Variants in PDE6A observed in about 807,000 individuals in gnomAD.
The protein encoded by PDE6A is rod cGMP-specific 3',5'-cyclic phosphodiesterase subunit alpha.
PDE6A carries 84 observed loss-of-function variants against 106.3 expected under a neutral mutation model. The observed-to-expected ratio is 0.79, with a 90% CI of 0.66 to 0.95. PDE6A has a LOEUF of 0.95. Among genes scored for constraint, PDE6A ranks in the 40% least tolerant of loss-of-function variants. PDE6A has a pLI of 0.00. For synonymous variants in PDE6A, 394 were observed against 386.6 expected (o/e 1.02, Z -0.23); for missense variants, 1,052 against 1,084.9 (o/e 0.97, Z 0.43).
Position 149,899,387 on chromosome 5 carries a change from C to T in PDE6A, c.1251G>A (p.Glu417=). The T allele has an allele frequency of 6.2e-7, 1 of 1,614,166 alleles. No individual in the cohort carries two copies. Among genetic ancestry groups the T allele is most frequent in the Non-Finnish European group, 8.5e-7 (1 of 1,180,016 alleles). ...KDGKPFDEMD[E]TLMESLTQFL... is the part of the protein sequence containing the mutation. ...TAGCAAGCCATACCTCCATGAGCGT[C>T]TCATCCATTTCATCAAAGGGCTTCC... The change falls in exon 9 of 22, where the codon GAG becomes GAA. Residue 417 remains glutamate (E), a synonymous_variant. Coordinates refer to ENST00000255266, the MANE Select transcript of PDE6A (RefSeq NM_000440.3).
intron 8 of PDE6A, 58 bp from the exon 9 acceptor site, chr5:149,899,582 G>A: frequency 1.9e-6 from 3 of 1,544,822 alleles, no homozygotes; most frequent in African/African-American, 1.4e-5. Context: ...AGGCAACGAT[G>A]ATAGATTTCA....
intron 13 of PDE6A, among the ~76,000 whole-genome samples, chr5:149,888,950 G>T (rs1752431813): frequency 6.6e-6 from 1 of 151,780 alleles, no homozygotes; most frequent in South Asian, 2.1e-4. Flanking sequence ...AGGCATGGTG[G>T]CGGGCGCCTG....
chr5:149,866,516 G>A (rs1486667695), intron 19 of PDE6A: 3 of 455,170 alleles, frequency 6.6e-6, no homozygotes, highest in African/African-American at 4.0e-5. Context: ...AAGGCCAGAG[G>A]GTGGGAGGGA....
At chr5:149,931,242 C>G in intron 3 of PDE6A, 74 bp from the exon 4 acceptor site, 1 of 1,410,288 alleles carries the variant, frequency 7.1e-7, no homozygotes, top group Non-Finnish European at 1.0e-6. Context: ...AGAATAACAA[C>G]AATTCTGTAA....
Position 149,866,203 on chromosome 5 carries a change from G to A in PDE6A, c.2325C>T (p.Gly775=), listed in dbSNP as rs1243259073. 20 of 1,614,044 alleles carry A rather than the reference G, an allele frequency of 1.2e-5. No homozygotes were observed. The highest frequency in any genetic ancestry group is 1.7e-5 in the Non-Finnish European group (20 of 1,179,992). The change falls in exon 20 of 22, where the codon GGC becomes GGT. Residue 775 remains glycine (G), a synonymous_variant. Transcript: ENST00000255266. ...CGAAGGTGCAAACAAAGTCAATGAA[G>A]CCGACTTGAAGCTTAGGGAGTTCAT... ...KADELPKLQV[G]FIDFVCTFVY...
chr5:149,902,440 C>G (rs1456320146), intron 8 of PDE6A, among the ~76,000 whole-genome samples: 1 of 151,796 alleles, frequency 6.6e-6, no homozygotes, highest in Non-Finnish European at 1.5e-5. Context: ...TCTGGCCCAC[C>G]ACTGTAGCAA....
intron 5 of PDE6A, among the ~76,000 whole-genome samples, chr5:149,921,326 AGCAGGAAG>A (rs892931830): frequency 3.9e-5 from 6 of 152,012 alleles, no homozygotes; most frequent in African/African-American, 1.2e-4. Context: ...AAGGAAGGAA[AGCAGGAAG>A]GCAGGAAGGC....
intron 12 of PDE6A, among the ~76,000 whole-genome samples, chr5:149,895,963 C>T (rs773884937): frequency 6.6e-6 from 1 of 152,102 alleles, no homozygotes; most frequent in Non-Finnish European, 1.5e-5. Flanking sequence ...CCTTCTCTGC[C>T]GTCCCCCATG....
chr5:149,877,768 A>G (rs1436430700), intron 17 of PDE6A, among the ~76,000 whole-genome samples: 2 of 152,174 alleles, frequency 1.3e-5, no homozygotes, highest in African/African-American at 4.8e-5. Flanking sequence ...AGTATGGTGG[A>G]CTCTCAAACA....
chr5:149,883,013 G>T (rs1455011479), intron 17 of PDE6A, among the ~76,000 whole-genome samples: 1 of 152,088 alleles, frequency 6.6e-6, no homozygotes, highest in African/African-American at 2.4e-5. Flanking sequence ...AGCCGAGATC[G>T]CACCACTACA....
intron 4 of PDE6A, among the ~76,000 whole-genome samples, chr5:149,922,204 A>G (rs1753742896): frequency 6.6e-6 from 1 of 152,164 alleles, no homozygotes; most frequent in Admixed American, 6.5e-5. Context: ...TGATACACTG[A>G]TAAGTGACAA....
At chr5:149,895,507 A>ATGTTGTTGT (rs3841534) in intron 12 of PDE6A, among the ~76,000 whole-genome samples, 1 of 151,396 alleles carries the variant, frequency 6.6e-6, no homozygotes, top group Non-Finnish European at 1.5e-5. Flanking sequence ...TACTAAGAAG[A>ATGTTGTTGT]TGTTGTTGTT....
intron 4 of PDE6A, among the ~76,000 whole-genome samples, chr5:149,926,203 C>A (rs1753860206): frequency 6.6e-6 from 1 of 151,968 alleles, no homozygotes; most frequent in Non-Finnish European, 1.5e-5. Context: ...AATCGCACCA[C>A]TGCACTCCAC....
chr5:149,884,400 A>G (rs1372429348), intron 16 of PDE6A, 79 bp downstream of exon 16: 16 of 840,430 alleles, frequency 1.9e-5, no homozygotes, highest in South Asian at 1.7e-4. Context: ...GTATATATGT[A>G]TATATATGTG....
chr5:149,930,035 T>G (rs1753986600), intron 4 of PDE6A, among the ~76,000 whole-genome samples: 1 of 152,224 alleles, frequency 6.6e-6, no homozygotes, highest in East Asian at 1.9e-4. Flanking sequence ...GTCCTGGGAT[T>G]ACAGGTGTGA....
rs887659353 is a variant in PDE6A, at chr5:149,859,809, T to C, written c.*1086A>G. On this transcript the variant is annotated 3_prime_UTR_variant, in exon 22 of 22. Transcript: ENST00000255266. ...CAGCTGGGTATTAGGCAGGCATTGG[T>C]TGCATGGGCCAGTGATGTGGTTATG... The C allele has an allele frequency of 4.6e-5, 7 of 152,290 alleles. No individual in the cohort carries two copies. Among genetic ancestry groups the C allele is most frequent in the Non-Finnish European group, 1.0e-4 (7 of 68,080 alleles). The allele number at this position is 152,290 out of a possible 1,614,324, so 9.4% of individuals were successfully genotyped here. A position where few individuals can be genotyped will look rare whatever the true frequency, so the allele number is the denominator to read the frequency against.
intron 18 of PDE6A, 29 bp from the exon 19 acceptor site, chr5:149,867,828 G>C (rs1196742043): frequency 6.2e-6 from 10 of 1,603,438 alleles, no homozygotes; most frequent in Non-Finnish European, 8.5e-6. Flanking sequence ...CACACACGCA[G>C]AGTCAGAGCC....
At position 149,859,629 on chromosome 5, in the gene PDE6A, T is replaced by C. The variant is rs536716222; in HGVS notation, c.*1266A>G. On this transcript the variant is annotated 3_prime_UTR_variant, in exon 22 of 22. Transcript: ENST00000255266. ...GATGGCCAGGCCTCTCCACCTGGCA[T>C]GGATCAGTCATTGGGTGTAGGCCAC... The C allele has an allele frequency of 2.0e-5, 3 of 152,472 alleles. No homozygotes were observed. The highest frequency in any genetic ancestry group is 2.0e-4 in the Admixed American group (3 of 15,300). The allele number at this position is 152,472 out of a possible 1,614,324, so 9.4% of individuals were successfully genotyped here.
chr5:149,942,678 A>T (rs7717774), intron 1 of PDE6A, among the ~76,000 whole-genome samples: 36,631 of 151,564 alleles, frequency 0.24, 5,457 homozygotes, highest in African/African-American at 0.41. Context: ...TCTACTATCT[A>T]GGTGAGGGGG....
Sources: gnomAD v4.1 joint callset for allele counts (sites outside exome capture counted in the v4.1 genomes callset) on GRCh38, gnomAD v4.1.1 for gene constraint, MANE v1.5 for transcripts, NCBI Gene and HGNC (gene_info 2026-07-23, HGNC 2026-07-21) for gene names.